Variants in FSTL5 observed in about 807,000 individuals in gnomAD.
FSTL5 encodes follistatin like 5, also known as follistatin-related protein 5.
Under a neutral mutation model 89.1 loss-of-function variants are expected in FSTL5, and 62 were observed. The ratio of observed to expected loss-of-function variants is 0.70; its 90% CI spans 0.57 to 0.86. The LOEUF (loss-of-function observed/expected upper bound fraction) is 0.86. FSTL5 is among the 40% of genes least tolerant of loss of function. The pLI is 0.00. For synonymous variants in FSTL5, 383 were observed against 346.2 expected (o/e 1.11, Z -1.18); for missense variants, 1,057 against 1,001.6 (o/e 1.06, Z -0.75).
At chr4:161,566,129 T>TAC (rs1407740867) in intron 8 of FSTL5, among the ~76,000 whole-genome samples, 1 of 77,560 alleles carries the variant, frequency 1.3e-5, no homozygotes, top group African/African-American at 4.8e-5. Context: ...TATATATATA[T>TAC]ATATATACAC....
intron 13 of FSTL5, among the ~76,000 whole-genome samples, chr4:161,475,980 C>T (rs532138889): frequency 6.6e-6 from 1 of 152,140 alleles, no homozygotes; most frequent in South Asian, 2.1e-4. Context: ...GTCTTGATCT[C>T]CTGACCTCGT....
At chr4:161,692,025 A>C (rs567364379) in intron 6 of FSTL5, among the ~76,000 whole-genome samples, 1 of 152,262 alleles carries the variant, frequency 6.6e-6, no homozygotes, top group Non-Finnish European at 1.5e-5. Flanking sequence ...ATATATAATC[A>C]AATCACTAAA....
At chr4:161,771,484 T>C (rs572744364) in intron 5 of FSTL5, among the ~76,000 whole-genome samples, 4 of 152,170 alleles carry the variant, frequency 2.6e-5, no homozygotes, top group East Asian at 1.9e-4. Context: ...GAGATGTGAT[T>C]TGAACCCAGA....
chr4:161,640,839 G>C (rs1735932801), intron 7 of FSTL5, among the ~76,000 whole-genome samples: 1 of 133,720 alleles, frequency 7.5e-6, no homozygotes, highest in Non-Finnish European at 1.5e-5. Flanking sequence ...AACTCAAAGA[G>C]ACACATACCT....
At chr4:161,920,038 G>T (rs1733948565) in intron 4 of FSTL5, among the ~76,000 whole-genome samples, 1 of 152,110 alleles carries the variant, frequency 6.6e-6, no homozygotes. Flanking sequence ...TCACAGCATG[G>T]CTTGGCACTC....
intron 2 of FSTL5, among the ~76,000 whole-genome samples, chr4:162,093,712 T>C (rs1186158011): frequency 6.6e-6 from 1 of 152,180 alleles, no homozygotes; most frequent in Non-Finnish European, 1.5e-5. Context: ...GAGGGGAATG[T>C]CATTAAGAAA....
chr4:162,130,394 T>C (rs1347492317), intron 1 of FSTL5, among the ~76,000 whole-genome samples: 1 of 152,192 alleles, frequency 6.6e-6, no homozygotes, highest in Non-Finnish European at 1.5e-5. Context: ...TTGTGTTTCC[T>C]ACGCAAGTGA....
chr4:161,798,503 T>C (rs1176864103), intron 4 of FSTL5, among the ~76,000 whole-genome samples: 3 of 151,410 alleles, frequency 2.0e-5, no homozygotes, highest in Non-Finnish European at 3.0e-5. Flanking sequence ...TTAGTATTCA[T>C]GGGAAAACAG....
At chr4:161,496,627 C>CA in intron 12 of FSTL5, among the ~76,000 whole-genome samples, 1 of 152,182 alleles carries the variant, frequency 6.6e-6, no homozygotes, top group East Asian at 1.9e-4. Flanking sequence ...CTGATGGCCT[C>CA]AACAGTAGAT....
chr4:161,855,159 T>A (rs566153218), intron 4 of FSTL5, among the ~76,000 whole-genome samples: 1 of 152,026 alleles, frequency 6.6e-6, no homozygotes, highest in South Asian at 2.1e-4. Context: ...AATTGTGGTA[T>A]TAGGGGTAAA....
At chr4:161,957,748 C>T (rs1169575215) in intron 3 of FSTL5, among the ~76,000 whole-genome samples, 1 of 151,960 alleles carries the variant, frequency 6.6e-6, no homozygotes, top group African/African-American at 2.4e-5. Context: ...ATTGACATAC[C>T]TAACTACACA....
At chr4:161,529,527 T>C (rs10013526) in intron 10 of FSTL5, among the ~76,000 whole-genome samples, 4,452 of 142,632 alleles carry the variant, frequency 0.031, 614 homozygotes, top group African/African-American at 0.1. Context: ...CTTATTGCTA[T>C]ATAAATCTTA....
chr4:161,947,138 G>GTGTA (rs1379242488), intron 3 of FSTL5, among the ~76,000 whole-genome samples: 26 of 134,878 alleles, frequency 1.9e-4, no homozygotes, highest in Non-Finnish European at 3.3e-4. Context: ...GGGTGTGTGT[G>GTGTA]TGTATGTGTG....
At chr4:161,503,829 T>C (rs114244726) in intron 11 of FSTL5, among the ~76,000 whole-genome samples, 1 of 152,214 alleles carries the variant, frequency 6.6e-6, no homozygotes, top group Non-Finnish European at 1.5e-5. Flanking sequence ...GCAAGTCTTG[T>C]TCTAGTTGAA....
At chr4:161,570,300 T>TAGG (rs1732961429) in intron 8 of FSTL5, among the ~76,000 whole-genome samples, 1 of 151,954 alleles carries the variant, frequency 6.6e-6, no homozygotes, top group Admixed American at 6.6e-5. Flanking sequence ...GTTGAAAGAG[T>TAGG]TTGAAACTGA....
chr4:161,638,719 C>T (rs1416518574), intron 7 of FSTL5, among the ~76,000 whole-genome samples: 1 of 133,924 alleles, frequency 7.5e-6, no homozygotes, highest in Non-Finnish European at 1.6e-5. Flanking sequence ...AGACCAATAT[C>T]CTTGATGAAC....
At chr4:161,847,019 T>C (rs1433023956) in intron 4 of FSTL5, among the ~76,000 whole-genome samples, 1 of 152,192 alleles carries the variant, frequency 6.6e-6, no homozygotes, top group East Asian at 1.9e-4. Context: ...TTCAAGTAAG[T>C]GTTTGGAGTT....
chr4:161,707,286 T>A (rs1326511002), intron 6 of FSTL5, among the ~76,000 whole-genome samples: 3 of 151,888 alleles, frequency 2.0e-5, no homozygotes, highest in Non-Finnish European at 4.4e-5. Flanking sequence ...AAATATAGTT[T>A]CTTGGACAAA....
intron 1 of FSTL5, among the ~76,000 whole-genome samples, chr4:162,147,009 TGA>T (rs1295591561): frequency 6.6e-6 from 1 of 152,022 alleles, no homozygotes; most frequent in Non-Finnish European, 1.5e-5. Context: ...CTCGAACTCC[TGA>T]CCTCAAGTGA....
Sources: allele counts gnomAD v4.1 joint callset (sites outside exome capture counted in the v4.1 genomes callset), GRCh38; gene constraint gnomAD v4.1.1; transcripts MANE v1.5; gene names NCBI Gene and HGNC (gene_info 2026-07-23, HGNC 2026-07-21).